The following CLCN5 variants were observed in gnomAD, a reference collection of about 807,000 sequenced individuals.
The protein encoded by CLCN5 is Cl-/H+ antiporter 5, also known as H(+)/Cl(-) exchange transporter 5.
A neutral mutation model predicts 54.0 loss-of-function variants in CLCN5; 17 were observed. That is an observed-to-expected ratio of 0.31 (90% CI 0.22 to 0.47). The LOEUF is 0.47. Ranked by LOEUF, CLCN5 falls within the 20% of genes least tolerant of loss-of-function variation. The pLI is 1.00. For missense variants in CLCN5, 448 were observed against 646.7 expected (o/e 0.69, Z 3.33); for synonymous variants, 222 against 233.0 (o/e 0.95, Z 0.43).
At chrX:49,962,484 T>G (rs1324846977) in intron 3 of CLCN5, among the ~76,000 whole-genome samples, 2 of 111,830 alleles carry the variant, frequency 1.8e-5, no homozygotes, top group Non-Finnish European at 3.8e-5. Flanking sequence ...CCCTAATTTA[T>G]TCCTGCTTCT....
chrX:50,035,806 A>G (rs1557186467), intron 3 of CLCN5, among the ~76,000 whole-genome samples: 2 of 112,435 alleles, frequency 1.8e-5, no homozygotes, highest in Non-Finnish European at 3.8e-5. Flanking sequence ...CGCATGGGGA[A>G]CCAGCTTATA....
intron 3 of CLCN5, among the ~76,000 whole-genome samples, chrX:50,040,651 T>C (rs1217491858): frequency 8.9e-6 from 1 of 112,070 alleles, no homozygotes; most frequent in Admixed American, 9.5e-5. Context: ...AGCATATCCA[T>C]TACCTCAAAC....
chrX:50,000,329 C>T (rs931531310), intron 3 of CLCN5, among the ~76,000 whole-genome samples: 2 of 109,656 alleles, frequency 1.8e-5, no homozygotes, highest in Non-Finnish European at 3.8e-5. Flanking sequence ...TAAAACTGAC[C>T]TCCCAATTGG....
intron 3 of CLCN5, among the ~76,000 whole-genome samples, chrX:49,935,060 C>A (rs991062539): frequency 7.2e-5 from 8 of 111,873 alleles, no homozygotes; most frequent in African/African-American, 2.6e-4. Context: ...CTCTGTCAAG[C>A]TATTCTTTTC....
intron 3 of CLCN5, among the ~76,000 whole-genome samples, chrX:50,035,179 A>G (rs782277970): frequency 2.9e-4 from 32 of 111,425 alleles, no homozygotes; most frequent in Admixed American, 3.8e-4. Context: ...CTGAATGCCA[A>G]TTGTAACAAT....
At chrX:49,989,517 T>TCTTC (rs1473583163) in intron 3 of CLCN5, among the ~76,000 whole-genome samples, 1 of 112,363 alleles carries the variant, frequency 8.9e-6, no homozygotes, top group Non-Finnish European at 1.9e-5. Flanking sequence ...AAAAGATGTG[T>TCTTC]CTTCTATAAT....
At chrX:49,928,241 C>T (rs1192895111) in intron 3 of CLCN5, among the ~76,000 whole-genome samples, 3 of 111,783 alleles carry the variant, frequency 2.7e-5, no homozygotes, top group African/African-American at 9.8e-5. Flanking sequence ...ACATTGTATA[C>T]GTGTATCAAA....
intron 3 of CLCN5, among the ~76,000 whole-genome samples, chrX:50,033,039 G>A (rs1171992174): frequency 3.6e-5 from 4 of 110,674 alleles, no homozygotes; most frequent in Admixed American, 9.7e-5. Flanking sequence ...GTAGATATGC[G>A]GCGTTATTTC....
intron 3 of CLCN5, among the ~76,000 whole-genome samples, chrX:49,962,787 C>A (rs1557174906): frequency 8.9e-6 from 1 of 111,765 alleles, no homozygotes; most frequent in Non-Finnish European, 1.9e-5. Flanking sequence ...CTGGCCCGGT[C>A]CCATCTTTTC....
intron 3 of CLCN5, among the ~76,000 whole-genome samples, chrX:50,032,362 C>T (rs1185334779): frequency 2.7e-5 from 3 of 111,075 alleles, no homozygotes; most frequent in African/African-American, 9.9e-5. Flanking sequence ...CCTATTTCTC[C>T]ACATCCTCTC....
intron 4 of CLCN5, among the ~76,000 whole-genome samples, chrX:50,047,181 T>C (rs1303190920): frequency 4.5e-5 from 5 of 112,174 alleles, no homozygotes; most frequent in Non-Finnish European, 9.4e-5. Flanking sequence ...GTAAAATATC[T>C]TGGGTTCCAG....
At chrX:49,949,419 T>G (rs1001399186) in intron 3 of CLCN5, among the ~76,000 whole-genome samples, 2 of 112,454 alleles carry the variant, frequency 1.8e-5, no homozygotes, top group Non-Finnish European at 3.8e-5. Context: ...GTATTAATGC[T>G]GATGTCCTGT....
At chrX:49,969,075 T>C (rs912153425) in intron 3 of CLCN5, among the ~76,000 whole-genome samples, 13 of 111,425 alleles carry the variant, frequency 1.2e-4, no homozygotes, top group African/African-American at 4.2e-4. Context: ...AACCTTTCTT[T>C]CTTTCTTTCT....
At chrX:50,011,237 C>T (rs1393001191) in intron 3 of CLCN5, among the ~76,000 whole-genome samples, 2 of 111,547 alleles carry the variant, frequency 1.8e-5, no homozygotes, top group Admixed American at 9.5e-5. Context: ...AGCTTTTGCA[C>T]ATCAACTCTC....
At chrX:50,027,250 G>A (rs149763387) in intron 3 of CLCN5, among the ~76,000 whole-genome samples, 8,134 of 110,350 alleles carry the variant, frequency 0.074, 757 homozygotes, top group African/African-American at 0.26. Context: ...TCCTGACCTC[G>A]TGATCCGCCC....
intron 3 of CLCN5, among the ~76,000 whole-genome samples, chrX:49,942,651 G>A (rs1472384042): frequency 1.1e-4 from 12 of 105,785 alleles, no homozygotes; most frequent in Non-Finnish European, 2.1e-4. Flanking sequence ...GAGAACTTGC[G>A]GTGTTTGTTT....
rs1349157919 is a variant in CLCN5, at chrX:50,094,603, A to C, written c.*2384A>C. The C allele has an allele frequency of 6.2e-5, 7 of 112,648 alleles. No individual in the cohort carries two copies. Among genetic ancestry groups the C allele is most frequent in the Non-Finnish European group, 1.1e-4 (6 of 53,302 alleles). 9.3% of individuals were successfully genotyped at this position (112,648 alleles called of 1,213,427 possible). A position where few individuals can be genotyped will look rare whatever the true frequency, so the allele number is the denominator to read the frequency against. Reference sequence around the variant, plus strand: ...ATTTTAGACAGATGAGCCAGTGTTAAGGTGCTACTTCAGAGAATAAATTAG... The same window carrying C: ...ATTTTAGACAGATGAGCCAGTGTTACGGTGCTACTTCAGAGAATAAATTAG... On this transcript the variant is annotated 3_prime_UTR_variant, in exon 15 of 15. Transcript: ENST00000376091.
intron 3 of CLCN5, among the ~76,000 whole-genome samples, chrX:49,984,535 G>C (rs1330753638): frequency 9.0e-6 from 1 of 111,332 alleles, no homozygotes; most frequent in Non-Finnish European, 1.9e-5. Flanking sequence ...GAAGTTTGTT[G>C]ATAATATTGC....
At chrX:49,969,015 G>T (rs1410428291) in intron 3 of CLCN5, among the ~76,000 whole-genome samples, 5 of 109,209 alleles carry the variant, frequency 4.6e-5, no homozygotes, top group Non-Finnish European at 9.5e-5. Flanking sequence ...GGTTTATTTT[G>T]CTTTTCATCT....
Sources: gnomAD v4.1 joint callset for allele counts (sites outside exome capture counted in the v4.1 genomes callset) on GRCh38, gnomAD v4.1.1 for gene constraint, MANE v1.5 for transcripts, NCBI Gene and HGNC (gene_info 2026-07-23, HGNC 2026-07-21) for gene names.